Variants in GSE1 observed in about 807,000 individuals in gnomAD.
GSE1 encodes the protein genetic suppressor element 1.
Under a neutral mutation model 112.6 loss-of-function variants are expected in GSE1, and 32 were observed. The ratio of observed to expected loss-of-function variants is 0.28; its 90% confidence interval spans 0.21 to 0.38. The LOEUF is 0.38. GSE1 is among the 10% of genes least tolerant of loss of function. The pLI is 1.00. For synonymous variants in GSE1, 1,115 were observed against 735.6 expected (o/e 1.52, Z -8.35); for missense variants, 2,348 against 1,699.2 (o/e 1.38, Z -6.71).
intron 2 of GSE1, among the ~76,000 whole-genome samples, chr16:85,366,684 T>C (rs2047192540): frequency 6.6e-6 from 1 of 152,210 alleles, no homozygotes; most frequent in Non-Finnish European, 1.5e-5. Flanking sequence ...CTGGTTCCCT[T>C]GCTAGCGTGT....
intron 1 of GSE1, among the ~76,000 whole-genome samples, chr16:85,605,555 G>C (rs2047668245): frequency 1.3e-5 from 2 of 152,068 alleles, no homozygotes; most frequent in Admixed American, 1.3e-4. Flanking sequence ...TGGGGGCAGG[G>C]GGACACGTTC....
chr16:85,607,873 C>T (rs2047779696), upstream of GSE1, among the ~76,000 whole-genome samples: 1 of 152,198 alleles, frequency 6.6e-6, no homozygotes, highest in Admixed American at 6.5e-5. Context: ...AGCAGGGAGT[C>T]TGGGACTCCA....
chr16:85,465,311 C>T (rs976893776), intron 2 of GSE1, among the ~76,000 whole-genome samples: 18 of 152,324 alleles, frequency 1.2e-4, no homozygotes, highest in African/African-American at 3.8e-4. Context: ...CCTGGCCCTT[C>T]GCATCTCTGC....
At chr16:85,590,264 G>C (rs1170575381) in intron 1 of GSE1, among the ~76,000 whole-genome samples, 1 of 152,068 alleles carries the variant, frequency 6.6e-6, no homozygotes, top group African/African-American at 2.4e-5. Flanking sequence ...GTGTGAATGA[G>C]TGTGAACTTG....
At chr16:85,570,753 T>C (rs2045949460) in intron 1 of GSE1, among the ~76,000 whole-genome samples, 1 of 152,190 alleles carries the variant, frequency 6.6e-6, no homozygotes, top group South Asian at 2.1e-4. Context: ...TGAGCACCTG[T>C]TGGTGCCAGG....
At chr16:85,484,537 C>G (rs536724697) in intron 2 of GSE1, among the ~76,000 whole-genome samples, 1 of 152,364 alleles carries the variant, frequency 6.6e-6, no homozygotes, top group East Asian at 1.9e-4. Flanking sequence ...CAGGGAGACG[C>G]CTCCGCGACA....
At chr16:85,560,491 G>A (rs909581399) in intron 1 of GSE1, among the ~76,000 whole-genome samples, 33 of 152,148 alleles carry the variant, frequency 2.2e-4, no homozygotes, top group African/African-American at 7.7e-4. Flanking sequence ...CGCCATGGTT[G>A]TAGCGTCTGC....
At chr16:85,630,936 G>GTGA (rs1181414449) in intron 1 of GSE1, among the ~76,000 whole-genome samples, 1 of 152,206 alleles carries the variant, frequency 6.6e-6, no homozygotes, top group Non-Finnish European at 1.5e-5. Flanking sequence ...GGCCTCTCCT[G>GTGA]GGCTCATTGT....
intron 1 of GSE1, among the ~76,000 whole-genome samples, chr16:85,224,301 CAAAAAAAAAAAAAAAAA>C (rs55755242): frequency 1.3e-4 from 5 of 38,804 alleles, no homozygotes; most frequent in East Asian, 1.2e-3. Context: ...ACTAAAAATA[CAAAAAAAAAAAAAAAAA>C]AAAAAAAAAA....
At chr16:85,488,559 GC>G (rs1235853574) in intron 2 of GSE1, among the ~76,000 whole-genome samples, 1 of 151,898 alleles carries the variant, frequency 6.6e-6, no homozygotes, top group African/African-American at 2.4e-5. Flanking sequence ...AATGCTCACA[GC>G]CAGACAGGGA....
chr16:85,383,809 C>T (rs1439037434), intron 2 of GSE1, among the ~76,000 whole-genome samples: 1 of 152,170 alleles, frequency 6.6e-6, no homozygotes, highest in East Asian at 1.9e-4. Context: ...GGAAGTCATC[C>T]AGCCGAGAAT....
At chr16:85,610,512 C>A (rs1272231768), upstream of GSE1, among the ~76,000 whole-genome samples, 1 of 152,254 alleles carries the variant, frequency 6.6e-6, no homozygotes, top group East Asian at 1.9e-4. Flanking sequence ...AGGAGCGCGC[C>A]GGCTGCAGGA....
At chr16:85,258,986 G>A (rs185705481) in intron 1 of GSE1, among the ~76,000 whole-genome samples, 10 of 152,300 alleles carry the variant, frequency 6.6e-5, no homozygotes, top group Admixed American at 2.0e-4. Context: ...CTTCTGGGAG[G>A]CTTCTTCTGG....
At chr16:85,554,598 A>C (rs1272022122), upstream of GSE1, among the ~76,000 whole-genome samples, 4 of 152,128 alleles carry the variant, frequency 2.6e-5, no homozygotes, top group African/African-American at 7.2e-5. Flanking sequence ...GAGGAAAAGA[A>C]AGGAGGGAAA....
chr16:85,329,890 G>A (rs1394144702), intron 1 of GSE1, among the ~76,000 whole-genome samples: 2 of 148,792 alleles, frequency 1.3e-5, no homozygotes, highest in South Asian at 2.2e-4. Context: ...AGGCATCAGG[G>A]GCAGGGGGCA....
intron 2 of GSE1, among the ~76,000 whole-genome samples, chr16:85,367,386 A>C (rs550011409): frequency 6.6e-6 from 1 of 152,352 alleles, no homozygotes; most frequent in African/African-American, 2.4e-5. Context: ...GCTAAAGACC[A>C]TGCTGGGCAT....
intron 2 of GSE1, among the ~76,000 whole-genome samples, chr16:85,447,261 C>T (rs1351602502): frequency 6.6e-6 from 1 of 152,184 alleles, no homozygotes; most frequent in Non-Finnish European, 1.5e-5. Flanking sequence ...CACAAGGATT[C>T]TTTCTTGGAC....
At chr16:85,554,987 C>G, upstream of GSE1, 1 of 985,338 alleles carries the variant, frequency 1.0e-6, no homozygotes, top group Non-Finnish European at 1.2e-6. Context: ...CGCTCCCCGT[C>G]CGCATGGATC....
chr16:85,230,833 A>ATG (rs1567625398), intron 1 of GSE1, among the ~76,000 whole-genome samples: 6 of 150,122 alleles, frequency 4.0e-5, no homozygotes, highest in African/African-American at 1.5e-4. Context: ...GTGGAAGACT[A>ATG]GATGGATGGA....
Sources: gnomAD v4.1 joint callset for allele counts (sites outside exome capture counted in the v4.1 genomes callset) on GRCh38, gnomAD v4.1.1 for gene constraint, MANE v1.5 for transcripts, NCBI Gene and HGNC (gene_info 2026-07-23, HGNC 2026-07-21) for gene names.